The following DNAH9 variants were observed in gnomAD, a reference collection of about 807,000 sequenced individuals.
DNAH9 encodes the protein dynein axonemal heavy chain 9.
Under a neutral mutation model 471.6 loss-of-function variants are expected in DNAH9, and 345 were observed. That is an observed-to-expected ratio of 0.73 (90% CI 0.67 to 0.80). The LOEUF (loss-of-function observed/expected upper bound fraction) is 0.80, where lower values mean the gene tolerates loss of function less well. Ranked by LOEUF, DNAH9 falls within the 30% of genes least tolerant of loss-of-function variation. The pLI is 0.00. For synonymous variants in DNAH9, 2,093 were observed against 2,123.6 expected (o/e 0.99, Z 0.40); for missense variants, 5,407 against 5,609.2 (o/e 0.96, Z 1.15).
chr17:11,869,787 C>T (rs1471525453), intron 51 of DNAH9, among the ~76,000 whole-genome samples: 4 of 152,136 alleles, frequency 2.6e-5, no homozygotes, highest in African/African-American at 2.4e-5. Context: ...GTGTTTGTTT[C>T]TGCATAAAAA....
chr17:11,739,375 C>CT (rs890661481), intron 29 of DNAH9, among the ~76,000 whole-genome samples: 10 of 152,272 alleles, frequency 6.6e-5, no homozygotes, highest in African/African-American at 2.2e-4. Flanking sequence ...TGGCTGCATA[C>CT]TTTTTTATCA....
chr17:11,775,958 A>G lies in DNAH9; in HGVS notation c.7553-5051A>G, dbSNP rs117893809. 9.6e-3 allele frequency among the ~76,000 whole-genome samples: 1,457 copies of G among 152,216 alleles called. 9 individuals carry two copies. Among genetic ancestry groups the G allele is most frequent in the Non-Finnish European group, 0.013 (851 of 68,000 alleles). The stretch of plus-strand genomic sequence containing the variant: ...ACCTGCATTTCTCCTCTCTTTCACT[A>G]CATCCAGTTGTGGAGTCTCCATTGT... On this transcript the variant is annotated intron_variant, in intron 38 of 68. Transcript: ENST00000262442.
At chr17:11,691,960 C>A (rs149143817) in intron 20 of DNAH9, among the ~76,000 whole-genome samples, 7 of 152,060 alleles carry the variant, frequency 4.6e-5, no homozygotes, top group African/African-American at 1.7e-4. Context: ...AGTGCCACCA[C>A]GCCCAGCTAA....
At chr17:11,689,537 C>T in intron 19 of DNAH9, 29 bp from the exon 20 acceptor site, 2 of 1,579,748 alleles carry the variant, frequency 1.3e-6, no homozygotes, top group Non-Finnish European at 1.7e-6. Flanking sequence ...GCGTGCCATA[C>T]TTACAAAGGA....
rs192511643 is a variant in DNAH9, at chr17:11,802,346, G to A, written c.8420+4553G>A. ...CCTTCTGAGACGCAAAGTGGGAGTA[G>A]GGTGGGCATGGTGGCTCACACCTGT... is the stretch of plus-strand genomic sequence containing the variant. On this transcript the variant is annotated intron_variant, in intron 43 of 68. Transcript: ENST00000262442. 2.2e-4 allele frequency among the ~76,000 whole-genome samples: 33 copies of A among 152,272 alleles called. 1 individual carries two copies. The highest frequency in any genetic ancestry group is 1.9e-3 in the Admixed American group (29 of 15,288).
chr17:11,634,658 C>A (rs1440527785), intron 8 of DNAH9, among the ~76,000 whole-genome samples: 1 of 152,166 alleles, frequency 6.6e-6, no homozygotes. Context: ...GAAAGTGTGA[C>A]CCTAGATCCT....
intron 8 of DNAH9, among the ~76,000 whole-genome samples, chr17:11,634,815 A>G (rs908762273): frequency 6.6e-6 from 1 of 152,182 alleles, no homozygotes; most frequent in Non-Finnish European, 1.5e-5. Context: ...CATTCTGCAT[A>G]ACATGGCCTG....
At chr17:11,659,590 A>G (rs73290835) in intron 14 of DNAH9, among the ~76,000 whole-genome samples, 2,468 of 152,308 alleles carry the variant, frequency 0.016, 64 homozygotes, top group African/African-American at 0.055. Flanking sequence ...TCATAAATTC[A>G]TTGTATCTTG....
chr17:11,752,851 T>C lies in DNAH9; in HGVS notation c.6629T>C (p.Met2210Thr), dbSNP rs1261720606. The C allele has an allele frequency of 6.2e-7, 1 of 1,602,170 alleles. No homozygotes were observed. The highest frequency in any genetic ancestry group is 1.7e-5 in the Admixed American group (1 of 57,216). ...EWKDGLFSSI[M>T]RELANITHDG... Reference sequence around the variant, plus strand: ...CTTTTAGGATTGTTCTCTTCCATCATGCGGGAGCTTGCCAACATCACCCAT... The same window carrying C: ...CTTTTAGGATTGTTCTCTTCCATCACGCGGGAGCTTGCCAACATCACCCAT... The change falls in exon 33 of 69, where the codon ATG becomes ACG. Residue 2210 changes from methionine (M) to threonine (T), a missense_variant. Met to Thr is a moderately conservative substitution (Grantham distance 81). Around this residue, in one of 3 missense-constraint regions of DNAH9, gnomAD observed 4,636 missense variants for 4,900.3 expected, o/e 0.95. Transcript: ENST00000262442.
intron 6 of DNAH9, among the ~76,000 whole-genome samples, chr17:11,627,857 G>T (rs2072997224): frequency 6.6e-6 from 1 of 152,134 alleles, no homozygotes; most frequent in South Asian, 2.1e-4. Context: ...GTCAGCCATT[G>T]TCCCCACTTC....
rs1970260601 is a variant in DNAH9, at chr17:11,820,226, T to C, written c.8708-1694T>C. 2.6e-5 allele frequency among the ~76,000 whole-genome samples: 4 copies of C among 152,276 alleles called. No homozygotes were observed. In the South Asian group the frequency reaches 8.3e-4, roughly 32 times the overall value. On this transcript the variant is annotated intron_variant, in intron 45 of 68. Coordinates refer to ENST00000262442, the MANE Select transcript of DNAH9 (RefSeq NM_001372.4). Reference sequence around the variant, plus strand: ...ATTATTTTCATAGTTTTTTTTCTAGTGTTTATCCTTGCATTTCCGGGACAG... The same window carrying C: ...ATTATTTTCATAGTTTTTTTTCTAGCGTTTATCCTTGCATTTCCGGGACAG...
intron 28 of DNAH9, among the ~76,000 whole-genome samples, chr17:11,733,089 A>C (rs2075293968): frequency 6.6e-6 from 1 of 152,262 alleles, no homozygotes; most frequent in Non-Finnish European, 1.5e-5. Flanking sequence ...AGTGGGTTGC[A>C]TTTCCCGAAG....
In DNAH9 at chr17:11,598,725, C is replaced by G. The variant is rs2072314348; in HGVS notation, c.227C>G (p.Pro76Arg). The G allele has an allele frequency of 7.2e-7, 1 of 1,388,436 alleles. No individual in the cohort carries two copies. The highest frequency in any genetic ancestry group is 3.1e-5 in the East Asian group (1 of 32,722). 86.0% of individuals were successfully genotyped at this position (1,388,436 alleles called of 1,614,324 possible). A position where few individuals can be genotyped will look rare whatever the true frequency, so the allele number is the denominator to read the frequency against. The stretch of plus-strand genomic sequence containing the variant: ...CCGCGGCCGCTGCTGGTGGTGCGGC[C>G]CGGGCCCAGGGGCCTGGCAATACGC... ...EGPRPLLVVR[P>R]GPRGLAIRPG... is the part of the protein sequence containing the mutation. The change falls in exon 1 of 69, where the codon CCC (proline) becomes CGC (arginine). Residue 76 changes from proline to arginine, a missense_variant. By Grantham distance (103) the Pro-to-Arg change is moderately radical (BLOSUM62 -2). Coordinates refer to ENST00000262442, the MANE Select transcript of DNAH9 (RefSeq NM_001372.4).
In DNAH9 at chr17:11,704,368, C is replaced by A. The variant is rs774352904; in HGVS notation, c.5317C>A (p.Arg1773=). Residue 1773 remains arginine (R), a synonymous_variant, in exon 25 of 69, where the codon CGG becomes AGG. Transcript: ENST00000262442. The stretch of plus-strand genomic sequence containing the variant: ...GATTGGCCAGCTCTCCAAGGGAGAC[C>A]GGCAGAAGATTATGACTATATGCAC... ...MLIGQLSKGD[R]QKIMTICTID... is the part of the protein sequence containing the mutation. The A allele has an allele frequency of 4.3e-6, 7 of 1,614,012 alleles. No homozygotes were observed. The highest frequency in any genetic ancestry group is 1.7e-5 in the Admixed American group (1 of 60,004).
chr17:11,771,721 C>T (rs1016398465), intron 38 of DNAH9, among the ~76,000 whole-genome samples: 1 of 152,284 alleles, frequency 6.6e-6, no homozygotes. Flanking sequence ...AGTCCAACAA[C>T]TGATCAGATT....
rs1972796390 is a variant in DNAH9 at position 11,883,660 on chromosome 17, C to G, written c.10881C>G (p.Leu3627=). The G allele has an allele frequency of 6.2e-7, 1 of 1,614,024 alleles. No individual in the cohort carries two copies. The highest frequency in any genetic ancestry group is 8.5e-7 in the Non-Finnish European group (1 of 1,180,000). ...KTLEDSLLSR[L]SSASGNFLGE... The stretch of plus-strand genomic sequence containing the variant: ...TGGAAGACAGTCTTCTCTCTCGCCT[C>G]TCCTCCGCCTCTGGGAACTTCCTGG... The change falls in exon 56 of 69, where the codon CTC becomes CTG. Residue 3627 remains leucine (L), a synonymous_variant. Coordinates refer to ENST00000262442, the MANE Select transcript of DNAH9 (RefSeq NM_001372.4).
chr17:11,634,163 C>G (rs1372666131), intron 8 of DNAH9, among the ~76,000 whole-genome samples: 1 of 152,168 alleles, frequency 6.6e-6, no homozygotes, highest in African/African-American at 2.4e-5. Flanking sequence ...CTTGACTCTT[C>G]TTCTCAGCTG....
intron 49 of DNAH9, among the ~76,000 whole-genome samples, chr17:11,836,529 G>T (rs1970855564): frequency 6.6e-6 from 1 of 152,128 alleles, no homozygotes; most frequent in Non-Finnish European, 1.5e-5. Flanking sequence ...AGGATCAGAG[G>T]TGTGACCCGG....
Position 11,937,753 on chromosome 17 carries a change from C to T in DNAH9, c.12660+231C>T, listed in dbSNP as rs751526652. ...AGGAAGTCCCTGCCATTGGGTTCAG[C>T]AGTTTTCTTTGCCAGTCCACCCAAA... On this transcript the variant is annotated intron_variant, in intron 66 of 68. Transcript: ENST00000262442. This position sits in a 1 kb window ranked among gnomAD's most constrained non-coding sequence, Gnocchi z 4.1. Among the ~76,000 whole-genome samples, 1 of 152,202 alleles carries T rather than the reference C, an allele frequency of 6.6e-6. No individual in the cohort carries two copies. Among genetic ancestry groups the T allele is most frequent in the African/African-American group, 2.4e-5 (1 of 41,454 alleles).
Sources: allele counts gnomAD v4.1 joint callset (sites outside exome capture counted in the v4.1 genomes callset), GRCh38; gene constraint gnomAD v4.1.1; regional missense constraint gnomAD v4.1.1; non-coding constraint Gnocchi (gnomAD v3.1); transcripts MANE v1.5; gene names NCBI Gene and HGNC (gene_info 2026-07-23, HGNC 2026-07-21).